The following LAMA3 variants were observed in gnomAD, a reference collection of about 807,000 sequenced individuals.
LAMA3 encodes the protein laminin subunit alpha-3.
In LAMA3, 281 loss-of-function variants were observed where a neutral mutation model predicts 402.0. That is an observed-to-expected ratio of 0.70 (90% CI 0.63 to 0.77). LAMA3 has a LOEUF of 0.77. Among genes scored for constraint, LAMA3 ranks in the 30% least tolerant of loss-of-function variants. The probability of loss-of-function intolerance (pLI) is 0.00; values close to 1 mark genes in which losing one functional copy is unlikely to be tolerated. For missense variants in LAMA3, 3,840 were observed against 4,215.5 expected (o/e 0.91, Z 2.47); for synonymous variants, 1,431 against 1,558.4 (o/e 0.92, Z 1.93).
rs1396628106 is a variant in LAMA3 at position 23,714,054 on chromosome 18, C to T, written c.429C>T (p.Leu143=). ...GCACACAGTACAACAGAGTCAACCT[C>T]ACCTTGGATCTGGGGCAGGTGAGCT... ...SSGTQYNRVN[L]TLDLGQLFHV... is the part of the protein sequence containing the mutation. The change falls in exon 2 of 75, where the codon CTC becomes CTT. Residue 143 remains leucine, a synonymous_variant. Coordinates refer to ENST00000313654, the MANE Select transcript of LAMA3 (RefSeq NM_198129.4). 6.2e-7 allele frequency: 1 copy of T among 1,614,004 alleles called. No individual in the cohort carries two copies. Among genetic ancestry groups the T allele is most frequent in the East Asian group, 2.2e-5 (1 of 44,872 alleles).
chr18:23,915,444 GA>G, intron 59 of LAMA3, 22 bp downstream of exon 59: 1 of 1,609,662 alleles, frequency 6.2e-7, no homozygotes, highest in South Asian at 1.1e-5. Flanking sequence ...GTAGAAACCA[GA>G]AACTCTGTAA....
intron 69 of LAMA3, 72 bp downstream of exon 69, chr18:23,944,043 TC>T: frequency 1.4e-6 from 2 of 1,413,136 alleles, no homozygotes; most frequent in Non-Finnish European, 2.0e-6. Context: ...AAAATAGGAG[TC>T]CCAGCATCCT....
chr18:23,927,409 T>G (rs570343345), intron 62 of LAMA3, among the ~76,000 whole-genome samples: 3 of 152,148 alleles, frequency 2.0e-5, no homozygotes, highest in African/African-American at 7.2e-5. Context: ...CCTCAAGTGA[T>G]CCACCTGACT....
chr18:23,942,720 A>G (rs1367019296), intron 68 of LAMA3, among the ~76,000 whole-genome samples: 1 of 151,926 alleles, frequency 6.6e-6, no homozygotes, highest in Non-Finnish European at 1.5e-5. Context: ...TTGGGATTAC[A>G]GGCACCACCA....
intron 12 of LAMA3, among the ~76,000 whole-genome samples, chr18:23,802,822 G>A (rs2062890238): frequency 6.6e-6 from 1 of 152,166 alleles, no homozygotes; most frequent in Non-Finnish European, 1.5e-5. Context: ...ACCATATGTT[G>A]TACAATGATT....
At position 23,766,571 on chromosome 18, in the gene LAMA3, C is replaced by G. The variant is rs368529576; in HGVS notation, c.1182+3048C>G. 2.2e-4 allele frequency among the ~76,000 whole-genome samples: 34 copies of G among 152,282 alleles called. 1 individual carries two copies. Among genetic ancestry groups the G allele is most frequent in the African/African-American group, 8.2e-4 (34 of 41,562 alleles). On this transcript the variant is annotated intron_variant, in intron 8 of 74. Transcript: ENST00000313654. ...ACAAATTCTTGGCTGGGCGTGGTGGCTCATGCCTGTAATCCCAGAACTTTG... is the reference window on the plus strand; with the variant it reads ...ACAAATTCTTGGCTGGGCGTGGTGGGTCATGCCTGTAATCCCAGAACTTTG...
At chr18:23,790,519 A>G (rs1287806796) in intron 12 of LAMA3, among the ~76,000 whole-genome samples, 1 of 152,234 alleles carries the variant, frequency 6.6e-6, no homozygotes, top group African/African-American at 2.4e-5. Flanking sequence ...GAAGGATTTT[A>G]TCTGTGCTTC....
chr18:23,905,565 G>A lies in LAMA3; in HGVS notation c.6659G>A (p.Ser2220Asn), dbSNP rs1283007167. 1 of 1,612,068 alleles carries A rather than the reference G, an allele frequency of 6.2e-7. No homozygotes were observed. Among genetic ancestry groups the A allele is most frequent in the African/African-American group, 1.3e-5 (1 of 74,856 alleles). ...CTGCCAAGAAAAGCTAAAACCCTGA[G>A]TTCCAACAGTGATAAACTGTTAAAT... ...EDLPRKAKTLSSNSDKLLNEA... is the reference protein window; with the variant it reads ...EDLPRKAKTLNSNSDKLLNEA... Residue 2220 changes from serine (S) to asparagine (N), a missense_variant, in exon 52 of 75, where the codon AGT (serine) becomes AAT (asparagine). Coordinates refer to ENST00000313654, the MANE Select transcript of LAMA3 (RefSeq NM_198129.4).
chr18:23,824,989 A>G (rs45532835), intron 21 of LAMA3, among the ~76,000 whole-genome samples: 2,187 of 152,274 alleles, frequency 0.014, 14 homozygotes, highest in Non-Finnish European at 0.023. Context: ...TATTGTCTAC[A>G]CTGTCTGGAG....
intron 58 of LAMA3, among the ~76,000 whole-genome samples, chr18:23,915,078 C>T (rs952446799): frequency 6.6e-6 from 1 of 152,218 alleles, no homozygotes; most frequent in East Asian, 1.9e-4. Flanking sequence ...TGATCATTCC[C>T]ATTTTACAGA....
At chr18:23,779,060 T>A (rs1306684734) in intron 11 of LAMA3, among the ~76,000 whole-genome samples, 1 of 152,086 alleles carries the variant, frequency 6.6e-6, no homozygotes, top group East Asian at 1.9e-4. Flanking sequence ...GCCAAGGGTG[T>A]TCAGTGAACA....
intron 29 of LAMA3, among the ~76,000 whole-genome samples, chr18:23,843,859 C>G (rs990588550): frequency 8.5e-5 from 13 of 152,230 alleles, no homozygotes; most frequent in Admixed American, 3.9e-4. Context: ...GCCATGTCCT[C>G]TCATGCCACC....
At chr18:23,851,142 T>C (rs1022375204) in intron 32 of LAMA3, among the ~76,000 whole-genome samples, 3 of 152,220 alleles carry the variant, frequency 2.0e-5, no homozygotes, top group African/African-American at 7.2e-5. Flanking sequence ...GGAGAGGCAA[T>C]TTCTTTGATG....
intron 4 of LAMA3, among the ~76,000 whole-genome samples, chr18:23,750,648 A>G (rs1322238441): frequency 6.6e-6 from 1 of 152,038 alleles, no homozygotes; most frequent in Non-Finnish European, 1.5e-5. Flanking sequence ...CTACCCTGAT[A>G]GAACAAAGGC....
At chr18:23,812,565 G>A (rs554942540) in intron 13 of LAMA3, among the ~76,000 whole-genome samples, 1 of 152,302 alleles carries the variant, frequency 6.6e-6, no homozygotes, top group East Asian at 1.9e-4. Flanking sequence ...ATTGAAGAGA[G>A]ATTATATTTG....
intron 1 of LAMA3, among the ~76,000 whole-genome samples, chr18:23,691,478 A>G (rs915525252): frequency 2.0e-5 from 3 of 152,204 alleles, no homozygotes; most frequent in Non-Finnish European, 2.9e-5. Context: ...CTATTTTATG[A>G]TTGTGTGTTT....
chr18:23,794,489 C>T (rs1467501279), intron 12 of LAMA3, among the ~76,000 whole-genome samples: 1 of 152,220 alleles, frequency 6.6e-6, no homozygotes, highest in Non-Finnish European at 1.5e-5. Context: ...ACTCCCACCC[C>T]CAGCCCACTC....
intron 1 of LAMA3, among the ~76,000 whole-genome samples, chr18:23,705,036 C>A (rs1290921846): frequency 6.6e-5 from 10 of 152,132 alleles, no homozygotes; most frequent in Non-Finnish European, 1.5e-4. Flanking sequence ...CTTCATAGCC[C>A]CTTCCATTAC....
Position 23,939,544 on chromosome 18 carries a change from GC to G in LAMA3, c.9026+159del, listed in dbSNP as rs57885370. Among the ~76,000 whole-genome samples the G allele has an allele frequency of 1.5e-3, 231 of 152,372 alleles. 2 individuals carry two copies. The highest frequency in any genetic ancestry group is 5.2e-3 in the African/African-American group (216 of 41,594). On this transcript the variant is annotated intron_variant, in intron 68 of 74. Transcript: ENST00000313654. Reference sequence around the variant, plus strand: ...GGTGCTGGCCTGCACAGGACAGGGAGCGTGATTGCCTGCCATGTGCTTTCCC... The same window carrying G: ...GGTGCTGGCCTGCACAGGACAGGGAGGTGATTGCCTGCCATGTGCTTTCCC...
Sources: gnomAD v4.1 joint callset for allele counts (sites outside exome capture counted in the v4.1 genomes callset) on GRCh38, gnomAD v4.1.1 for gene constraint, MANE v1.5 for transcripts, NCBI Gene and HGNC (gene_info 2026-07-23, HGNC 2026-07-21) for gene names.